CCSER1: variants seen among roughly 807,000 people sequenced by gnomAD.
The protein encoded by CCSER1 is coiled-coil serine rich protein 1.
CCSER1 carries 41 observed loss-of-function variants against 82.0 expected under a neutral mutation model. The observed-to-expected ratio is 0.50, with a 90% CI of 0.39 to 0.65. The LOEUF (loss-of-function observed/expected upper bound fraction) is 0.65. Ranked by LOEUF, CCSER1 falls within the 30% of genes least tolerant of loss-of-function variation. CCSER1 has a pLI of 0.00. For missense variants in CCSER1, 1,119 were observed against 1,064.2 expected, an observed-to-expected ratio of 1.05 and a Z score of -0.72; for synonymous variants, 414 against 383.9, an observed-to-expected ratio of 1.08 and a Z score of -0.92.
intron 1 of CCSER1, among the ~76,000 whole-genome samples, chr4:90,276,963 C>T (rs948294212): frequency 2.9e-4 from 44 of 152,074 alleles, no homozygotes; most frequent in African/African-American, 1.1e-3. Context: ...CATCCTGAAA[C>T]ATTACTGAAG....
At chr4:90,674,202 A>G (rs1441105865) in intron 6 of CCSER1, among the ~76,000 whole-genome samples, 1 of 151,986 alleles carries the variant, frequency 6.6e-6, no homozygotes, top group Non-Finnish European at 1.5e-5. Flanking sequence ...GTTTTTTTCA[A>G]TAGAGAGAAT....
intron 9 of CCSER1, 77 bp from the exon 10 acceptor site, chr4:91,085,873 C>A: frequency 1.2e-6 from 1 of 841,612 alleles, no homozygotes; most frequent in Non-Finnish European, 1.9e-6. Flanking sequence ...TCCTTTATTT[C>A]AAAATTATTG....
intron 5 of CCSER1, chr4:90,468,619 C>T (rs1452473714): frequency 5.3e-5 from 14 of 265,396 alleles, no homozygotes; most frequent in Admixed American, 1.5e-4. Flanking sequence ...TACTTTATTT[C>T]CCTACTCTGT....
chr4:90,695,846 C>G (rs1256134279), intron 6 of CCSER1, among the ~76,000 whole-genome samples: 1 of 151,764 alleles, frequency 6.6e-6, no homozygotes, highest in African/African-American at 2.4e-5. Flanking sequence ...TTTATGAGTG[C>G]AAGCACTTTT....
At chr4:90,767,989 C>G (rs574114341) in intron 7 of CCSER1, among the ~76,000 whole-genome samples, 1 of 152,322 alleles carries the variant, frequency 6.6e-6, no homozygotes, top group African/African-American at 2.4e-5. Context: ...GTGGTAGGCT[C>G]TAAGATTGCC....
At chr4:90,670,638 A>G (rs938600846) in intron 6 of CCSER1, among the ~76,000 whole-genome samples, 17 of 152,184 alleles carry the variant, frequency 1.1e-4, no homozygotes, top group Admixed American at 5.3e-4. Context: ...GCTGGATCAA[A>G]TAAAGAGAGT....
chr4:91,112,100 A>G (rs897261749), intron 10 of CCSER1, among the ~76,000 whole-genome samples: 5 of 152,032 alleles, frequency 3.3e-5, no homozygotes, highest in Non-Finnish European at 7.4e-5. Context: ...TAAAAGTTAT[A>G]TTCCGGTATT....
At chr4:91,237,858 G>C (rs1739137539) in intron 10 of CCSER1, among the ~76,000 whole-genome samples, 1 of 152,182 alleles carries the variant, frequency 6.6e-6, no homozygotes. Flanking sequence ...CGAGTTTGCT[G>C]AGCAGTGCTT....
intron 5 of CCSER1, among the ~76,000 whole-genome samples, chr4:90,561,959 G>A (rs974066722): frequency 2.0e-5 from 3 of 151,970 alleles, no homozygotes; most frequent in African/African-American, 4.8e-5. Flanking sequence ...AGGCTGAAGC[G>A]GGAAGGATCA....
rs560710395 is a variant in CCSER1 at position 91,542,464 on chromosome 4, A to C, written c.2218-56108A>C. Among the ~76,000 whole-genome samples the C allele has an allele frequency of 5.9e-5, 9 of 152,234 alleles. No homozygotes were observed. In the East Asian group the frequency reaches 1.7e-3, roughly 29 times the overall value. ...CTACATATGGCTAGCTCATTTTCCC[A>C]GCACCATTTATTAAATAGGAGATTC... On this transcript the variant is annotated intron_variant, in intron 10 of 10. Transcript: ENST00000509176.
At chr4:90,362,654 G>C (rs548343545) in intron 3 of CCSER1, among the ~76,000 whole-genome samples, 1 of 152,002 alleles carries the variant, frequency 6.6e-6, no homozygotes, top group Non-Finnish European at 1.5e-5. Context: ...TTCCTTTTCC[G>C]CTGGCTTCTC....
chr4:90,458,165 C>T (rs763376499), intron 4 of CCSER1, among the ~76,000 whole-genome samples: 1 of 152,114 alleles, frequency 6.6e-6, no homozygotes, highest in Non-Finnish European at 1.5e-5. Context: ...ATAGCCGCAG[C>T]TGGTTTGCTG....
At chr4:90,381,047 A>T (rs182954765) in intron 3 of CCSER1, among the ~76,000 whole-genome samples, 1 of 152,232 alleles carries the variant, frequency 6.6e-6, no homozygotes. Context: ...CAGTGTCAAA[A>T]TCTTCAATGA....
rs543995062 is a variant in CCSER1 at position 90,456,087 on chromosome 4, A to G, written c.1604-12147A>G. ...AGCTGTGGGACCAGGTCCTCTGCAAACAAGGGAAAGAAAGGGAGTCCTGGG... is the reference window on the plus strand; with the variant it reads ...AGCTGTGGGACCAGGTCCTCTGCAAGCAAGGGAAAGAAAGGGAGTCCTGGG... On this transcript the variant is annotated intron_variant, in intron 4 of 10. Transcript: ENST00000509176. Among the ~76,000 whole-genome samples the G allele has an allele frequency of 3.3e-5, 5 of 152,242 alleles. No homozygotes were observed. In the South Asian group the frequency reaches 6.2e-4, roughly 19 times the overall value.
At chr4:90,249,895 G>C (rs1224960889) in intron 1 of CCSER1, among the ~76,000 whole-genome samples, 1 of 152,016 alleles carries the variant, frequency 6.6e-6, no homozygotes, top group Admixed American at 6.6e-5. Context: ...CTACCATCTG[G>C]AGAACACTTA....
intron 8 of CCSER1, among the ~76,000 whole-genome samples, chr4:90,914,408 T>A (rs2085094): frequency 2.0e-5 from 3 of 151,592 alleles, no homozygotes; most frequent in Admixed American, 1.3e-4. Flanking sequence ...GGTACATAAC[T>A]AAATGAAGGC....
At chr4:90,618,764 C>G (rs866793260) in intron 5 of CCSER1, among the ~76,000 whole-genome samples, 29 of 151,894 alleles carry the variant, frequency 1.9e-4, no homozygotes, top group South Asian at 4.1e-4. Flanking sequence ...TTCTGTTACA[C>G]TGCAAGTATA....
intron 10 of CCSER1, among the ~76,000 whole-genome samples, chr4:91,370,671 G>A (rs984012018): frequency 5.3e-5 from 8 of 151,810 alleles, no homozygotes; most frequent in African/African-American, 1.9e-4. Flanking sequence ...ACTCCAGCCT[G>A]GGCGACAGAA....
At chr4:90,131,698 A>G (rs886885044) in intron 1 of CCSER1, among the ~76,000 whole-genome samples, 2 of 152,178 alleles carry the variant, frequency 1.3e-5, no homozygotes, top group African/African-American at 2.4e-5. Context: ...TAATCTATCC[A>G]TATATTATTT....
Sources: allele counts gnomAD v4.1 joint callset (sites outside exome capture counted in the v4.1 genomes callset), GRCh38; gene constraint gnomAD v4.1.1; transcripts MANE v1.5; gene names NCBI Gene and HGNC (gene_info 2026-07-23, HGNC 2026-07-21).